MAST4: variants seen among roughly 807,000 people sequenced by gnomAD.
MAST4 encodes the protein microtubule-associated serine/threonine-protein kinase 4.
In MAST4, 89 loss-of-function variants were observed where a neutral mutation model predicts 162.7. The ratio of observed to expected loss-of-function variants is 0.55; its 90% confidence interval spans 0.46 to 0.65. The LOEUF is 0.65. Among genes scored for constraint, MAST4 ranks in the 30% least tolerant of loss-of-function variants. The pLI is 0.00. For missense variants in MAST4, 3,153 were observed against 3,374.0 expected, an observed-to-expected ratio of 0.93 and a Z score of 1.62; for synonymous variants, 1,479 against 1,361.1, an observed-to-expected ratio of 1.09 and a Z score of -1.91.
chr5:66,844,201 G>C (rs991310892), intron 3 of MAST4, among the ~76,000 whole-genome samples: 1 of 144,164 alleles, frequency 6.9e-6, no homozygotes, highest in Admixed American at 7.1e-5. Context: ...GTGTGTGTTG[G>C]GGCGGGGGGA....
intron 4 of MAST4, among the ~76,000 whole-genome samples, chr5:67,027,679 G>C (rs1208572555): frequency 1.3e-5 from 2 of 152,136 alleles, no homozygotes; most frequent in Non-Finnish European, 2.9e-5. Context: ...ACATGTTTGT[G>C]GATTGTTAAT....
chr5:67,050,432 C>A (rs1758030869), intron 4 of MAST4, among the ~76,000 whole-genome samples: 1 of 152,188 alleles, frequency 6.6e-6, no homozygotes, highest in South Asian at 2.1e-4. Flanking sequence ...CTGCTCACCT[C>A]CTGCCCCTCA....
At chr5:66,769,710 G>A (rs897709990) in intron 2 of MAST4, among the ~76,000 whole-genome samples, 6 of 152,132 alleles carry the variant, frequency 3.9e-5, no homozygotes, top group African/African-American at 9.7e-5. Context: ...TTACAGGACC[G>A]CCCTCCTATG....
chr5:66,907,725 A>G (rs112902009), intron 4 of MAST4, among the ~76,000 whole-genome samples: 4 of 152,016 alleles, frequency 2.6e-5, no homozygotes, highest in Non-Finnish European at 5.9e-5. Context: ...AGTTTGAGTA[A>G]AATGAGATTA....
intron 4 of MAST4, among the ~76,000 whole-genome samples, chr5:67,039,507 G>A (rs1581296575): frequency 6.6e-6 from 1 of 152,294 alleles, no homozygotes; most frequent in Middle Eastern, 3.4e-3. Context: ...AGGAGGAATT[G>A]ATGTGTTATC....
At position 66,782,348 on chromosome 5, in the gene MAST4, C is replaced by T. The variant is rs559569232; in HGVS notation, c.518-6322C>T. On this transcript the variant is annotated intron_variant, in intron 2 of 28. Coordinates refer to ENST00000403625, the MANE Select transcript of MAST4 (RefSeq NM_001164664.2). ...GAGGTCATATATAGCCTTGATAGAACCAAGGCATGATCTGGGTCTAGATTC... is the reference window on the plus strand; with the variant it reads ...GAGGTCATATATAGCCTTGATAGAATCAAGGCATGATCTGGGTCTAGATTC... Among the ~76,000 whole-genome samples the T allele has an allele frequency of 2.0e-5, 3 of 150,524 alleles. No individual in the cohort carries two copies. The South Asian group carries it at 6.3e-4, about 32-fold the overall frequency.
chr5:66,681,664 C>T (rs1748335405), intron 1 of MAST4, among the ~76,000 whole-genome samples: 1 of 152,198 alleles, frequency 6.6e-6, no homozygotes, highest in Non-Finnish European at 1.5e-5. Flanking sequence ...ATTTGTGCTT[C>T]TCATACAAAA....
chr5:67,148,021 C>T (rs1413260090), intron 23 of MAST4, among the ~76,000 whole-genome samples: 2 of 152,158 alleles, frequency 1.3e-5, no homozygotes, highest in African/African-American at 2.4e-5. Context: ...TGTCCATGAG[C>T]GTGGGCCAAA....
intron 1 of MAST4, among the ~76,000 whole-genome samples, chr5:66,621,072 T>G (rs1215472637): frequency 1.3e-5 from 2 of 152,098 alleles, no homozygotes; most frequent in African/African-American, 4.8e-5. Context: ...TGAAGAGAGA[T>G]ATAAATGAAG....
chr5:67,020,807 C>G (rs1186279997), intron 4 of MAST4, among the ~76,000 whole-genome samples: 2 of 152,180 alleles, frequency 1.3e-5, no homozygotes, highest in Non-Finnish European at 2.9e-5. Flanking sequence ...TTGTGACGCA[C>G]TTAGAGCAAG....
At position 67,049,232 on chromosome 5, in the gene MAST4, A is replaced by G. The variant is rs192864514; in HGVS notation, c.675-5172A>G. Among the ~76,000 whole-genome samples, 32 of 151,678 alleles carry G rather than the reference A, an allele frequency of 2.1e-4. No individual in the cohort carries two copies. In the East Asian group the frequency reaches 6.2e-3, roughly 29 times the overall value. ...ATATCTTTTTTAAAGATTGGAAACA[A>G]ATAGCACAAATGATACAGTTGCTTG... is the stretch of plus-strand genomic sequence containing the variant. On this transcript the variant is annotated intron_variant, in intron 4 of 28. Coordinates refer to ENST00000403625, the MANE Select transcript of MAST4 (RefSeq NM_001164664.2).
chr5:67,012,778 A>G (rs1327860599), intron 4 of MAST4, among the ~76,000 whole-genome samples: 1 of 152,228 alleles, frequency 6.6e-6, no homozygotes, highest in African/African-American at 2.4e-5. Context: ...CTTGGTTGTA[A>G]ATTCTGAAAA....
intron 12 of MAST4, among the ~76,000 whole-genome samples, chr5:67,115,258 C>G (rs1167583800): frequency 6.6e-6 from 1 of 152,162 alleles, no homozygotes; most frequent in Non-Finnish European, 1.5e-5. Context: ...GACTCAAAAA[C>G]TATCCTTGAC....
At chr5:66,750,421 G>T (rs954005854) in intron 1 of MAST4, among the ~76,000 whole-genome samples, 2 of 152,252 alleles carry the variant, frequency 1.3e-5, no homozygotes, top group Non-Finnish European at 2.9e-5. Flanking sequence ...GACAGTGGGC[G>T]CAGGTCAGTG....
chr5:66,823,783 T>C (rs12153382), intron 3 of MAST4, among the ~76,000 whole-genome samples: 38,074 of 152,112 alleles, frequency 0.25, 5,804 homozygotes, highest in Non-Finnish European at 0.35. Flanking sequence ...GTGTGAACCA[T>C]GGTGCCCGGC....
chr5:66,615,348 G>A (rs1743600874), intron 1 of MAST4, among the ~76,000 whole-genome samples: 2 of 152,144 alleles, frequency 1.3e-5, no homozygotes, highest in Admixed American at 1.3e-4. Context: ...CCTGGCAGAG[G>A]TTCAGGTGCC....
intron 3 of MAST4, among the ~76,000 whole-genome samples, chr5:66,814,359 C>A (rs1471149136): frequency 6.6e-6 from 1 of 152,068 alleles, no homozygotes; most frequent in Non-Finnish European, 1.5e-5. Flanking sequence ...CAAGCATTTT[C>A]CTGTTGTGGG....
chr5:66,938,542 G>T (rs973376462), intron 4 of MAST4, among the ~76,000 whole-genome samples: 1 of 152,146 alleles, frequency 6.6e-6, no homozygotes, highest in African/African-American at 2.4e-5. Flanking sequence ...TTGGGCAAAG[G>T]TCCACCAGGC....
intron 4 of MAST4, among the ~76,000 whole-genome samples, chr5:66,941,481 G>T (rs746688046): frequency 8.6e-5 from 13 of 151,998 alleles, no homozygotes; most frequent in Non-Finnish European, 1.9e-4. Flanking sequence ...CTTAGCTCTC[G>T]TAGAATTGAA....
Sources: allele counts gnomAD v4.1 joint callset (sites outside exome capture counted in the v4.1 genomes callset), GRCh38; gene constraint gnomAD v4.1.1; transcripts MANE v1.5; gene names NCBI Gene and HGNC (gene_info 2026-07-23, HGNC 2026-07-21).